Variants in ITGA9 observed in about 807,000 individuals in gnomAD.
The protein encoded by ITGA9 is integrin alpha-9.
A neutral mutation model predicts 127.8 loss-of-function variants in ITGA9; 56 were observed. The ratio of observed to expected loss-of-function variants is 0.44; its 90% CI spans 0.35 to 0.55. The LOEUF is 0.55. Among genes scored for constraint, ITGA9 ranks in the 20% least tolerant of loss-of-function variants. The pLI is 0.00. For missense variants in ITGA9, 1,196 were observed against 1,347.1 expected (o/e 0.89, Z 1.76); for synonymous variants, 508 against 514.5 (o/e 0.99, Z 0.17).
intron 5 of ITGA9, 24 bp from the exon 6 acceptor site, chr3:37,503,154 T>C (rs1347709580): frequency 1.9e-6 from 3 of 1,613,332 alleles, no homozygotes; most frequent in Non-Finnish European, 2.5e-6. Flanking sequence ...CTTCTCTGCT[T>C]ACCGTTGGAT....
rs2125563798 is a variant in ITGA9 at position 37,806,958 on chromosome 3, C to T, written c.3009+3016C>T. The T allele has an allele frequency of 6.6e-6, 1 of 152,366 alleles. No individual in the cohort carries two copies. The highest frequency in any genetic ancestry group is 2.4e-5 in the African/African-American group (1 of 41,574). The allele number at this position is 152,366 out of a possible 1,614,324, so 9.4% of individuals were successfully genotyped here. ...TGCCCTTCCCTGCACTTGACCGCCT[C>T]ACCACCTAGCAATAGACCTGCAGGC... On this transcript the variant is annotated intron_variant, in intron 27 of 27. Coordinates refer to ENST00000264741, the MANE Select transcript of ITGA9 (RefSeq NM_002207.3). This position sits in a 1 kb window ranked among gnomAD's most constrained non-coding sequence, Gnocchi z 4.3.
intron 27 of ITGA9, among the ~76,000 whole-genome samples, chr3:37,810,243 C>G (rs979216997): frequency 2.0e-5 from 3 of 152,308 alleles, no homozygotes; most frequent in African/African-American, 7.2e-5. Context: ...GAAAGCTGAG[C>G]AGAGCAGCTG....
At chr3:37,483,992 T>A (rs2125559996) in intron 4 of ITGA9, among the ~76,000 whole-genome samples, 1 of 152,268 alleles carries the variant, frequency 6.6e-6, no homozygotes, top group African/African-American at 2.4e-5. Context: ...AAATGAGAAG[T>A]AAAAGCCAGT....
intron 23 of ITGA9, among the ~76,000 whole-genome samples, chr3:37,751,067 G>A (rs1052231273): frequency 2.6e-5 from 4 of 152,252 alleles, no homozygotes; most frequent in Non-Finnish European, 5.9e-5. Flanking sequence ...GAGAGTTGAA[G>A]AGGACACAGC....
chr3:37,560,048 G>A (rs200235000), intron 15 of ITGA9, among the ~76,000 whole-genome samples: 4 of 151,684 alleles, frequency 2.6e-5, no homozygotes, highest in South Asian at 2.1e-4. Flanking sequence ...GCTTGCTGCA[G>A]CCATCAACTC....
intron 17 of ITGA9, among the ~76,000 whole-genome samples, chr3:37,675,653 CT>C (rs199603033): frequency 4.0e-5 from 6 of 149,338 alleles, no homozygotes; most frequent in Middle Eastern, 3.5e-3. Context: ...ATATGTTACG[CT>C]TTTTTTTTCA....
At chr3:37,524,488 G>A (rs958650650) in intron 12 of ITGA9, among the ~76,000 whole-genome samples, 9 of 152,188 alleles carry the variant, frequency 5.9e-5, no homozygotes, top group African/African-American at 1.4e-4. Context: ...GAGGAAGTAA[G>A]GGAATAGAAA....
At chr3:37,612,260 A>G (rs1475474558) in intron 15 of ITGA9, among the ~76,000 whole-genome samples, 2 of 152,220 alleles carry the variant, frequency 1.3e-5, no homozygotes, top group African/African-American at 2.4e-5. Flanking sequence ...TTCTCAGAAT[A>G]TGCTTTTACA....
At chr3:37,662,194 G>T (rs774777814) in intron 17 of ITGA9, among the ~76,000 whole-genome samples, 3 of 152,090 alleles carry the variant, frequency 2.0e-5, no homozygotes, top group Non-Finnish European at 4.4e-5. Context: ...TTGAGCTCAG[G>T]AGTTTGAGAC....
chr3:37,545,763 C>T (rs1188013416), intron 15 of ITGA9, among the ~76,000 whole-genome samples: 4 of 152,208 alleles, frequency 2.6e-5, no homozygotes, highest in African/African-American at 9.7e-5. Flanking sequence ...CTCACAGTCA[C>T]AGGCGAAAGC....
At chr3:37,686,701 T>C (rs761561265) in intron 18 of ITGA9, among the ~76,000 whole-genome samples, 1 of 151,838 alleles carries the variant, frequency 6.6e-6, no homozygotes, top group Non-Finnish European at 1.5e-5. Context: ...GAGTGTTAGC[T>C]CCAGAGTGGT....
chr3:37,523,262 T>C (rs1699061704), intron 11 of ITGA9, among the ~76,000 whole-genome samples: 1 of 152,214 alleles, frequency 6.6e-6, no homozygotes, highest in South Asian at 2.1e-4. Context: ...CATGGTAGTC[T>C]AGGTGGATTT....
chr3:37,603,486 C>T (rs9882737), intron 15 of ITGA9, among the ~76,000 whole-genome samples: 26,269 of 152,046 alleles, frequency 0.17, 2,621 homozygotes, highest in Admixed American at 0.29. Flanking sequence ...AACCAGTTCC[C>T]CATGGACATT....
chr3:37,455,357 G>A (rs1442496664), intron 1 of ITGA9, among the ~76,000 whole-genome samples: 1 of 152,162 alleles, frequency 6.6e-6, no homozygotes, highest in Non-Finnish European at 1.5e-5. Flanking sequence ...AGAATTGCTG[G>A]GTCAGAGAGG....
At chr3:37,707,551 G>A (rs1015501609) in intron 18 of ITGA9, among the ~76,000 whole-genome samples, 1 of 152,142 alleles carries the variant, frequency 6.6e-6, no homozygotes, top group African/African-American at 2.4e-5. Flanking sequence ...TGTTCAGAAT[G>A]TCATTCCTCA....
chr3:37,493,612 C>G (rs1698695365), intron 4 of ITGA9, among the ~76,000 whole-genome samples: 1 of 152,190 alleles, frequency 6.6e-6, no homozygotes, highest in South Asian at 2.1e-4. Context: ...GAATGGGTTT[C>G]TAAGTCCAAG....
chr3:37,519,869 G>A (rs1185356817), intron 11 of ITGA9, among the ~76,000 whole-genome samples: 2 of 152,140 alleles, frequency 1.3e-5, no homozygotes, highest in African/African-American at 4.8e-5. Context: ...TATCAGCTTG[G>A]TGTTCAATCT....
intron 18 of ITGA9, among the ~76,000 whole-genome samples, chr3:37,722,026 G>T (rs570670180): frequency 6.6e-6 from 1 of 152,272 alleles, no homozygotes; most frequent in East Asian, 1.9e-4. Context: ...CTCCTGATGA[G>T]CAGCAGGGCT....
intron 23 of ITGA9, among the ~76,000 whole-genome samples, chr3:37,773,145 CA>C (rs1559594217): frequency 6.6e-6 from 1 of 152,240 alleles, no homozygotes; most frequent in Non-Finnish European, 1.5e-5. Context: ...GCTCTGCTCC[CA>C]AGCTTCCTCT....
Sources: gnomAD v4.1 joint callset for allele counts (sites outside exome capture counted in the v4.1 genomes callset) on GRCh38, gnomAD v4.1.1 for gene constraint, Gnocchi (gnomAD v3.1) non-coding constraint, MANE v1.5 for transcripts, NCBI Gene and HGNC (gene_info 2026-07-23, HGNC 2026-07-21) for gene names.